WASF1: variants seen among roughly 807,000 people sequenced by gnomAD.
WASF1 encodes actin-binding protein WASF1.
WASF1 carries 7 observed loss-of-function variants against 50.5 expected under a neutral mutation model. That is an observed-to-expected ratio of 0.14 (90% CI 0.08 to 0.26). The LOEUF (loss-of-function observed/expected upper bound fraction) is 0.26, where lower values mean the gene tolerates loss of function less well. WASF1 is among the 10% of genes least tolerant of loss of function. The pLI is 1.00. For missense variants in WASF1, 470 were observed against 694.7 expected, an observed-to-expected ratio of 0.68 and a Z score of 3.64; for synonymous variants, 205 against 244.0, an observed-to-expected ratio of 0.84 and a Z score of 1.49.
rs985317270 is a variant in WASF1 at position 110,148,503 on chromosome 6, CGT to C, written c.-29+12130_-29+12131del. Among the ~76,000 whole-genome samples, 8 of 152,080 alleles carry C rather than the reference CGT, an allele frequency of 5.3e-5. No individual in the cohort carries two copies. In the East Asian group the frequency reaches 7.7e-4, roughly 15 times the overall value. On this transcript the variant is annotated intron_variant, in intron 3 of 10. Coordinates refer to ENST00000392589, the MANE Select transcript of WASF1 (RefSeq NM_003931.3). ...TAAGCTGGGGAAACTGAAGCTTGTG[CGT>C]GTGTTTTCATTCTTAGAATGAAAGG...
At chr6:110,104,355 A>G (rs768685853) in intron 8 of WASF1, among the ~76,000 whole-genome samples, 4 of 152,228 alleles carry the variant, frequency 2.6e-5, no homozygotes, top group Non-Finnish European at 5.9e-5. Flanking sequence ...TTTAATGTCA[A>G]TTCTTTCAGT....
chr6:110,174,532 C>A (rs1776846433), intron 2 of WASF1, among the ~76,000 whole-genome samples: 1 of 152,122 alleles, frequency 6.6e-6, no homozygotes, highest in Non-Finnish European at 1.5e-5. Context: ...AGAAACTTAT[C>A]AGTAAAAGGG....
chr6:110,108,137 CAAAAAA>C (rs369773397), intron 6 of WASF1, among the ~76,000 whole-genome samples: 2 of 50,212 alleles, frequency 4.0e-5, no homozygotes, highest in Admixed American at 3.2e-4. Context: ...GACTCCGCCT[CAAAAAA>C]AAAAAAAAAA....
intron 2 of WASF1, among the ~76,000 whole-genome samples, chr6:110,166,389 C>T (rs1205072514): frequency 6.6e-6 from 1 of 151,746 alleles, no homozygotes; most frequent in Non-Finnish European, 1.5e-5. Flanking sequence ...AAAGTACAGT[C>T]TTTACCAAGA....
intron 3 of WASF1, among the ~76,000 whole-genome samples, chr6:110,142,130 T>C (rs1775271670): frequency 6.6e-6 from 1 of 152,218 alleles, no homozygotes; most frequent in Non-Finnish European, 1.5e-5. Context: ...AAATGTATTA[T>C]GGAATCATAG....
At chr6:110,132,354 C>G (rs1327465932) in intron 3 of WASF1, among the ~76,000 whole-genome samples, 3 of 151,712 alleles carry the variant, frequency 2.0e-5, no homozygotes, top group African/African-American at 7.3e-5. Flanking sequence ...ACCACACTAG[C>G]TATAATCTTT....
rs1402745361 is a variant in WASF1, at chr6:110,159,480, ACTTTT to A, written c.-29+1150_-29+1154del. Reference sequence around the variant, plus strand: ...ATTACAATATTTTTTCCACACCTTTACTTTTATCTTTTGGCACCTGATAGGGGTCT... The same window carrying A: ...ATTACAATATTTTTTCCACACCTTTAATCTTTTGGCACCTGATAGGGGTCT... On this transcript the variant is annotated intron_variant, in intron 3 of 10. Transcript: ENST00000392589. 3.6e-4 allele frequency among the ~76,000 whole-genome samples: 47 copies of A among 130,836 alleles called. No individual in the cohort carries two copies. The South Asian group carries it at 0.011, about 29-fold the overall frequency. The allele number at this position is 130,836 out of a possible 152,430, so 85.8% of individuals were successfully genotyped here.
chr6:110,132,475 G>GT (rs931169421), intron 3 of WASF1, among the ~76,000 whole-genome samples: 43 of 151,116 alleles, frequency 2.8e-4, no homozygotes, highest in South Asian at 8.4e-4. Context: ...CTGTAATACG[G>GT]TTTTTTTTGT....
intron 3 of WASF1, among the ~76,000 whole-genome samples, chr6:110,134,432 T>C (rs1462406807): frequency 1.3e-5 from 2 of 151,916 alleles, no homozygotes; most frequent in East Asian, 3.9e-4. Context: ...CTTTTTTTTT[T>C]TCTTTTTTGG....
At chr6:110,142,948 G>C (rs1471642204) in intron 3 of WASF1, among the ~76,000 whole-genome samples, 1 of 53,788 alleles carries the variant, frequency 1.9e-5, no homozygotes, top group Non-Finnish European at 3.1e-5. Context: ...GTTTCCCAAT[G>C]ATGTAAAAAA....
At chr6:110,170,320 T>G (rs1343227851) in intron 2 of WASF1, among the ~76,000 whole-genome samples, 2 of 152,070 alleles carry the variant, frequency 1.3e-5, no homozygotes, top group Non-Finnish European at 2.9e-5. Flanking sequence ...CCTCCCAGGC[T>G]CAAGTGATCC....
intron 4 of WASF1, among the ~76,000 whole-genome samples, chr6:110,126,630 T>C (rs1025722928): frequency 2.0e-5 from 3 of 152,230 alleles, no homozygotes; most frequent in African/African-American, 7.2e-5. Flanking sequence ...CTAGGACCAC[T>C]TGGTGGATAT....
intron 4 of WASF1, among the ~76,000 whole-genome samples, chr6:110,120,744 A>G (rs1229966815): frequency 6.6e-6 from 1 of 152,228 alleles, no homozygotes; most frequent in Non-Finnish European, 1.5e-5. Context: ...TCCTAAGCCA[A>G]AAGAACAAAG....
At chr6:110,140,204 C>G (rs1775162725) in intron 3 of WASF1, among the ~76,000 whole-genome samples, 1 of 152,132 alleles carries the variant, frequency 6.6e-6, no homozygotes, top group South Asian at 2.1e-4. Flanking sequence ...TGAAGCCTCC[C>G]TAAACACTCA....
At chr6:110,144,050 A>T (rs1176140272) in intron 3 of WASF1, among the ~76,000 whole-genome samples, 1 of 152,132 alleles carries the variant, frequency 6.6e-6, no homozygotes, top group Non-Finnish European at 1.5e-5. Flanking sequence ...CGACTTCCAC[A>T]ATGGTTGAAC....
At chr6:110,121,057 A>AATGTAAG (rs1456459408) in intron 4 of WASF1, among the ~76,000 whole-genome samples, 1 of 152,248 alleles carries the variant, frequency 6.6e-6, no homozygotes, top group Non-Finnish European at 1.5e-5. Flanking sequence ...TAAAGATTTA[A>AATGTAAG]ATGTAAGACC....
At chr6:110,105,601 A>C in intron 7 of WASF1, 22 bp from the exon 8 acceptor site, 2 of 1,607,090 alleles carry the variant, frequency 1.2e-6, no homozygotes, top group Non-Finnish European at 1.7e-6. Flanking sequence ...GTATTGAAAC[A>C]AAGTCAAATG....
At chr6:110,167,895 A>G (rs1020002077) in intron 2 of WASF1, among the ~76,000 whole-genome samples, 1 of 152,004 alleles carries the variant, frequency 6.6e-6, no homozygotes, top group East Asian at 1.9e-4. Context: ...ACCAAAACAA[A>G]TATTTGTTTA....
intron 3 of WASF1, among the ~76,000 whole-genome samples, chr6:110,145,670 G>A (rs1029831781): frequency 1.3e-5 from 2 of 152,074 alleles, no homozygotes; most frequent in Middle Eastern, 3.2e-3. Context: ...TTAGCATGAA[G>A]GGTTGCTGAA....
Sources: gnomAD v4.1 joint callset for allele counts (sites outside exome capture counted in the v4.1 genomes callset) on GRCh38, gnomAD v4.1.1 for gene constraint, MANE v1.5 for transcripts, NCBI Gene and HGNC (gene_info 2026-07-23, HGNC 2026-07-21) for gene names.